Variants in PRKAG2 observed in about 807,000 individuals in gnomAD.
The protein encoded by PRKAG2 is protein kinase AMP-activated non-catalytic subunit gamma 2.
PRKAG2 carries 26 observed loss-of-function variants against 69.6 expected under a neutral mutation model. The observed-to-expected ratio is 0.37, with a 90% CI of 0.27 to 0.52. PRKAG2 has a LOEUF of 0.52. Ranked by LOEUF, PRKAG2 falls within the 20% of genes least tolerant of loss-of-function variation. PRKAG2 has a pLI of 0.90. For synonymous variants in PRKAG2, 293 were observed against 285.0 expected, an observed-to-expected ratio of 1.03 and a Z score of -0.28; for missense variants, 557 against 740.0, an observed-to-expected ratio of 0.75 and a Z score of 2.87.
intron 3 of PRKAG2, among the ~76,000 whole-genome samples, chr7:151,694,196 C>T (rs919837498): frequency 2.0e-5 from 3 of 152,222 alleles, no homozygotes; most frequent in Admixed American, 6.5e-5. Flanking sequence ...CTTTATAAGC[C>T]ACCCAGTCTA....
intron 1 of PRKAG2, among the ~76,000 whole-genome samples, chr7:151,838,954 G>A (rs1221269553): frequency 6.7e-6 from 1 of 149,248 alleles, no homozygotes; most frequent in African/African-American, 2.5e-5. Flanking sequence ...GGCAGAGGTT[G>A]TAGTGTGCAG....
chr7:151,736,175 G>A (rs1799766541), intron 3 of PRKAG2: 3 of 1,430,124 alleles, frequency 2.1e-6, no homozygotes, highest in Middle Eastern at 5.0e-4. Context: ...TCACCAGGGG[G>A]TCTTCAGGGC....
At chr7:151,854,511 G>A (rs936309928) in intron 1 of PRKAG2, among the ~76,000 whole-genome samples, 18 of 152,248 alleles carry the variant, frequency 1.2e-4, no homozygotes, top group Non-Finnish European at 2.4e-4. Flanking sequence ...CATTTGGAGC[G>A]CCCGAGGATA....
Position 151,636,130 on chromosome 7 carries a change from C to T in PRKAG2, c.685-3992G>A, listed in dbSNP as rs189153528. ...ACTCCCAAAGTGCTGGGATTACAGG[C>T]ATGAGCCACCGCGCCCAGCCAAAAA... On this transcript the variant is annotated intron_variant, in intron 4 of 15. Coordinates refer to ENST00000287878, the MANE Select transcript of PRKAG2 (RefSeq NM_016203.4). Among the ~76,000 whole-genome samples the T allele has an allele frequency of 3.4e-3, 519 of 152,244 alleles. 2 individuals carry two copies. Among genetic ancestry groups the T allele is most frequent in the African/African-American group, 0.012 (491 of 41,562 alleles).
At chr7:151,732,620 G>C (rs1314052062) in intron 3 of PRKAG2, among the ~76,000 whole-genome samples, 1 of 152,216 alleles carries the variant, frequency 6.6e-6, no homozygotes, top group African/African-American at 2.4e-5. Flanking sequence ...GCAAGACCTA[G>C]GGTTAGAGCT....
intron 3 of PRKAG2, among the ~76,000 whole-genome samples, chr7:151,692,752 G>T (rs1049221764): frequency 6.6e-6 from 1 of 152,162 alleles, no homozygotes; most frequent in Non-Finnish European, 1.5e-5. Context: ...CATGATGGTG[G>T]AAACCTTGCC....
intron 1 of PRKAG2, among the ~76,000 whole-genome samples, chr7:151,797,983 G>T (rs1486459422): frequency 6.6e-6 from 1 of 152,186 alleles, no homozygotes; most frequent in Admixed American, 6.5e-5. Context: ...CACACACATA[G>T]AATAAAATGT....
intron 1 of PRKAG2, among the ~76,000 whole-genome samples, chr7:151,820,593 G>A (rs944742371): frequency 1.5e-5 from 2 of 133,300 alleles, no homozygotes; most frequent in African/African-American, 5.6e-5. Context: ...CACTCTACTC[G>A]GAACACCGCT....
At chr7:151,827,013 G>C (rs116537311) in intron 1 of PRKAG2, among the ~76,000 whole-genome samples, 270 of 152,274 alleles carry the variant, frequency 1.8e-3, no homozygotes, top group African/African-American at 5.9e-3. Context: ...ATGGAAGGCT[G>C]GAACCAGAGA....
intron 1 of PRKAG2, among the ~76,000 whole-genome samples, chr7:151,803,202 C>A (rs1256696350): frequency 1.3e-5 from 2 of 152,116 alleles, no homozygotes; most frequent in Non-Finnish European, 2.9e-5. Flanking sequence ...AAGGGATCTG[C>A]CTGCCTCAGC....
At chr7:151,635,665 G>A (rs1316246909) in intron 4 of PRKAG2, among the ~76,000 whole-genome samples, 2 of 152,134 alleles carry the variant, frequency 1.3e-5, no homozygotes, top group Non-Finnish European at 2.9e-5. Flanking sequence ...ACAGATTAGT[G>A]GATGCCGGGG....
At position 151,781,428 on chromosome 7, in the gene PRKAG2, C is replaced by G; in HGVS notation, c.190G>C (p.Asp64His). The G allele has an allele frequency of 5.6e-6, 9 of 1,604,808 alleles. No homozygotes were observed. Among genetic ancestry groups the G allele is most frequent in the Non-Finnish European group, 7.7e-6 (9 of 1,176,142 alleles). Residue 64 changes from aspartate (D) to histidine (H), a missense_variant, in exon 3 of 16, where the codon GAC becomes CAC. By Grantham distance (81) the Asp-to-His change is moderately conservative (BLOSUM62 -1). Around this residue, in one of 2 missense-constraint regions of PRKAG2, gnomAD observed 352 missense variants for 356.7 expected, o/e 0.99. Transcript: ENST00000287878. This position sits in a 1 kb window ranked among gnomAD's most constrained non-coding sequence, Gnocchi z 6.1. ...GGGCTGCCCGGGCCGAAGGGGCTGT[C>G]CACCTGCAGAAAAACAGACGAATGG... ...GSGKHSSRKV[D>H]SPFGPGSPSK...
chr7:151,844,702 G>C (rs1445351444), intron 1 of PRKAG2, among the ~76,000 whole-genome samples: 1 of 152,186 alleles, frequency 6.6e-6, no homozygotes, highest in Non-Finnish European at 1.5e-5. Flanking sequence ...GTGGCTCACT[G>C]TCTCTATTTC....
intron 3 of PRKAG2, among the ~76,000 whole-genome samples, chr7:151,696,832 C>T (rs913796292): frequency 6.6e-6 from 1 of 152,184 alleles, no homozygotes; most frequent in Non-Finnish European, 1.5e-5. Flanking sequence ...GGGGAGCAGC[C>T]CGGAGTGTCT....
At chr7:151,688,198 C>A (rs952676891) in intron 3 of PRKAG2, among the ~76,000 whole-genome samples, 3 of 152,130 alleles carry the variant, frequency 2.0e-5, no homozygotes, top group African/African-American at 4.8e-5. Context: ...GGCTTCCTGG[C>A]CCTGGCGGCA....
intron 1 of PRKAG2, among the ~76,000 whole-genome samples, chr7:151,832,235 A>AGGAGG (rs1563737750): frequency 9.4e-6 from 1 of 105,882 alleles, no homozygotes; most frequent in Non-Finnish European, 1.9e-5. Flanking sequence ...AGGGAAGGAG[A>AGGAGG]GGAGGAGGGA....
intron 1 of PRKAG2, among the ~76,000 whole-genome samples, chr7:151,870,860 C>T (rs1048471991): frequency 1.3e-5 from 2 of 152,244 alleles, no homozygotes; most frequent in Non-Finnish European, 2.9e-5. Flanking sequence ...TCTCTGCAAA[C>T]GTTGTGACTG....
intron 5 of PRKAG2, among the ~76,000 whole-genome samples, chr7:151,601,298 T>C (rs1230866215): frequency 2.0e-5 from 3 of 152,226 alleles, no homozygotes; most frequent in African/African-American, 4.8e-5. Flanking sequence ...ATTTTACTTC[T>C]GTCTCATCAG....
chr7:151,663,717 T>C (rs1830645183), intron 4 of PRKAG2, among the ~76,000 whole-genome samples: 1 of 152,192 alleles, frequency 6.6e-6, no homozygotes. Flanking sequence ...AAATAACTAA[T>C]TCCACTGCCC....
Sources: allele counts gnomAD v4.1 joint callset (sites outside exome capture counted in the v4.1 genomes callset), GRCh38; gene constraint gnomAD v4.1.1; regional missense constraint gnomAD v4.1.1; non-coding constraint Gnocchi (gnomAD v3.1); transcripts MANE v1.5; gene names NCBI Gene and HGNC (gene_info 2026-07-23, HGNC 2026-07-21).